Variants in CDH13 observed in about 807,000 individuals in gnomAD.
CDH13 encodes the protein cadherin-13.
Under a neutral mutation model 63.8 loss-of-function variants are expected in CDH13, and 24 were observed. That is an observed-to-expected ratio of 0.38 (90% CI 0.27 to 0.53). The LOEUF is 0.53. CDH13 is among the 20% of genes least tolerant of loss of function. The pLI, the probability that CDH13 is intolerant of heterozygous loss-of-function variation, is 0.85. For synonymous variants in CDH13, 503 were observed against 355.3 expected, an observed-to-expected ratio of 1.42 and a Z score of -4.67; for missense variants, 1,049 against 903.1, an observed-to-expected ratio of 1.16 and a Z score of -2.07.
At chr16:82,791,291 C>T (rs1166743237) in intron 1 of CDH13, among the ~76,000 whole-genome samples, 2 of 151,796 alleles carry the variant, frequency 1.3e-5, no homozygotes, top group South Asian at 4.2e-4. Flanking sequence ...GGTGACCACA[C>T]CCACTTTTAA....
At chr16:83,562,956 T>C (rs2075733875) in intron 7 of CDH13, among the ~76,000 whole-genome samples, 1 of 152,224 alleles carries the variant, frequency 6.6e-6, no homozygotes, top group African/African-American at 2.4e-5. Flanking sequence ...TTTGGCAGGC[T>C]GGTAGAGGGA....
intron 4 of CDH13, among the ~76,000 whole-genome samples, chr16:83,129,712 G>A (rs2035967551): frequency 2.6e-5 from 4 of 152,170 alleles, no homozygotes; most frequent in South Asian, 4.1e-4. Flanking sequence ...GTGCACTGAC[G>A]CGACAGCCTG....
chr16:83,351,313 T>G (rs1353260377), intron 6 of CDH13, among the ~76,000 whole-genome samples: 2 of 151,924 alleles, frequency 1.3e-5, no homozygotes, highest in Non-Finnish European at 2.9e-5. Context: ...GTAGATATAT[T>G]TTTTAAAAAA....
Position 82,673,372 on chromosome 16 carries a change from C to A in CDH13, c.45+46235C>A, listed in dbSNP as rs371958125. Among the ~76,000 whole-genome samples the A allele has an allele frequency of 7.4e-4, 112 of 152,288 alleles. 5 individuals carry two copies. In the South Asian group the frequency reaches 0.021, roughly 29 times the overall value. On this transcript the variant is annotated intron_variant, in intron 1 of 13. Transcript: ENST00000567109. The stretch of plus-strand genomic sequence containing the variant: ...GAGAACACTAATGCCATTACTAGTT[C>A]TCTCTAGAAACTCACTAGCAGGAAA...
At position 83,271,422 on chromosome 16, in the gene CDH13, TAAAAAAAAA is replaced by T. The variant is rs56382330; in HGVS notation, c.636+53947_636+53955del. 9.2e-4 allele frequency among the ~76,000 whole-genome samples: 24 copies of T among 26,032 alleles called. 1 individual carries two copies. Among genetic ancestry groups the T allele is most frequent in the Middle Eastern group, 0.031 (1 of 32 alleles). The allele number at this position is 26,032 out of a possible 152,430, so 17.1% of individuals were successfully genotyped here. A position where few individuals can be genotyped will look rare whatever the true frequency, so the allele number is the denominator to read the frequency against. On this transcript the variant is annotated intron_variant, in intron 5 of 13. Coordinates refer to ENST00000567109, the MANE Select transcript of CDH13 (RefSeq NM_001257.5). Reference sequence around the variant, plus strand: ...CTACCGCACATTGAGGCAGAGTTCATAAAAAAAAAAAAAAAAAAAAAAAAAAAAAATTCA... The same window carrying T: ...CTACCGCACATTGAGGCAGAGTTCATAAAAAAAAAAAAAAAAAAAAATTCA...
chr16:83,667,680 C>T (rs1265149031), intron 8 of CDH13, among the ~76,000 whole-genome samples: 4 of 152,118 alleles, frequency 2.6e-5, no homozygotes, highest in African/African-American at 9.7e-5. Flanking sequence ...TTTTCTGAGA[C>T]AGGGTCTTGC....
chr16:83,054,052 A>G (rs940223598), intron 3 of CDH13, among the ~76,000 whole-genome samples: 3 of 152,200 alleles, frequency 2.0e-5, no homozygotes, highest in South Asian at 4.1e-4. Context: ...TGCATACAGT[A>G]TTCAGCACAG....
intron 1 of CDH13, among the ~76,000 whole-genome samples, chr16:82,856,385 A>T (rs75341976): frequency 1.0e-5 from 1 of 95,268 alleles, no homozygotes; most frequent in African/African-American, 3.7e-5. Context: ...AAAAAAAAAA[A>T]AAAAGAAAAG....
At chr16:83,583,523 G>T (rs4782823) in intron 7 of CDH13, among the ~76,000 whole-genome samples, 1 of 152,076 alleles carries the variant, frequency 6.6e-6, no homozygotes, top group Non-Finnish European at 1.5e-5. Context: ...CAGGTCACAT[G>T]GTCAACGATG....
intron 7 of CDH13, among the ~76,000 whole-genome samples, chr16:83,514,501 C>T (rs920925183): frequency 2.0e-5 from 3 of 152,032 alleles, no homozygotes; most frequent in African/African-American, 4.8e-5. Context: ...AAAAATTAGC[C>T]GGGCATGGTG....
At chr16:83,290,185 T>G (rs1036697684) in intron 5 of CDH13, among the ~76,000 whole-genome samples, 14 of 152,216 alleles carry the variant, frequency 9.2e-5, no homozygotes, top group African/African-American at 3.4e-4. Flanking sequence ...AATATACCAT[T>G]ACGGGAACTA....
intron 1 of CDH13, among the ~76,000 whole-genome samples, chr16:82,704,416 A>G (rs2031311062): frequency 6.6e-6 from 1 of 152,166 alleles, no homozygotes. Flanking sequence ...GATGTTCTTC[A>G]TTTATTCATT....
intron 7 of CDH13, among the ~76,000 whole-genome samples, chr16:83,571,807 G>A (rs190309454): frequency 2.0e-4 from 30 of 152,246 alleles, no homozygotes; most frequent in African/African-American, 7.0e-4. Context: ...ATTCTATGCA[G>A]CTAGGTGCCT....
chr16:83,643,577 G>A (rs1250884020), intron 8 of CDH13, among the ~76,000 whole-genome samples: 1 of 152,038 alleles, frequency 6.6e-6, no homozygotes, highest in Non-Finnish European at 1.5e-5. Flanking sequence ...TGTCTTTGTT[G>A]ATGTTATTTT....
intron 1 of CDH13, among the ~76,000 whole-genome samples, chr16:82,833,986 C>A (rs2038655839): frequency 6.6e-6 from 1 of 152,168 alleles, no homozygotes; most frequent in Non-Finnish European, 1.5e-5. Context: ...TCTCTGAACC[C>A]AATCAGGTTA....
rs548945518 is a variant in CDH13 at position 82,983,349 on chromosome 16, TC to T, written c.158-48657del. On this transcript the variant is annotated intron_variant, in intron 2 of 13. Coordinates refer to ENST00000567109, the MANE Select transcript of CDH13 (RefSeq NM_001257.5). ...CCCCATTTTTTCTCACCCGGCTGTTTCCCCTAATATAATAATTGGTCTTCAA... is the reference window on the plus strand; with the variant it reads ...CCCCATTTTTTCTCACCCGGCTGTTTCCCTAATATAATAATTGGTCTTCAA... 1.4e-3 allele frequency among the ~76,000 whole-genome samples: 211 copies of T among 152,288 alleles called. 1 individual carries two copies. Among genetic ancestry groups the T allele is most frequent in the Non-Finnish European group, 2.5e-3 (167 of 68,030 alleles).
chr16:83,144,458 G>A (rs190474715), intron 4 of CDH13, among the ~76,000 whole-genome samples: 1 of 152,278 alleles, frequency 6.6e-6, no homozygotes, highest in East Asian at 1.9e-4. Context: ...TTCTAGTTAA[G>A]GACATGGGAA....
chr16:82,990,781 A>G (rs1911566078), intron 2 of CDH13, among the ~76,000 whole-genome samples: 1 of 152,062 alleles, frequency 6.6e-6, no homozygotes, highest in African/African-American at 2.4e-5. Context: ...CCTGGTCTGA[A>G]GTGATCCATC....
intron 7 of CDH13, among the ~76,000 whole-genome samples, chr16:83,514,631 T>G (rs1392278711): frequency 2.0e-5 from 3 of 151,790 alleles, no homozygotes; most frequent in Non-Finnish European, 4.4e-5. Flanking sequence ...GGCAACAGAG[T>G]GAGACTCCAT....
Sources: gnomAD v4.1 joint callset for allele counts (sites outside exome capture counted in the v4.1 genomes callset) on GRCh38, gnomAD v4.1.1 for gene constraint, MANE v1.5 for transcripts, NCBI Gene and HGNC (gene_info 2026-07-23, HGNC 2026-07-21) for gene names.